The following GREB1L variants were observed in gnomAD, a reference collection of about 807,000 sequenced individuals.
The protein encoded by GREB1L is GREB1 like retinoic acid receptor coactivator.
A neutral mutation model predicts 200.8 loss-of-function variants in GREB1L; 17 were observed. The observed-to-expected ratio is 0.08, with a 90% CI of 0.06 to 0.13. GREB1L has a LOEUF of 0.13. Ranked by LOEUF, GREB1L falls within the 10% of genes least tolerant of loss-of-function variation. The probability of loss-of-function intolerance (pLI) is 1.00; values close to 1 mark genes in which losing one functional copy is unlikely to be tolerated. For synonymous variants in GREB1L, 789 were observed against 893.0 expected, an observed-to-expected ratio of 0.88 and a Z score of 2.08; for missense variants, 1,657 against 2,367.7, an observed-to-expected ratio of 0.70 and a Z score of 6.23.
intron 17 of GREB1L, among the ~76,000 whole-genome samples, chr18:21,481,475 GTGTATATA>G (rs1212629961): frequency 1.4e-5 from 2 of 141,228 alleles, no homozygotes; most frequent in South Asian, 4.5e-4. Flanking sequence ...GTGTGTGTGT[GTGTATATA>G]TATATATATA....
intron 1 of GREB1L, among the ~76,000 whole-genome samples, chr18:21,328,068 A>ACC (rs1304120070): frequency 1.3e-5 from 2 of 152,250 alleles, no homozygotes; most frequent in East Asian, 3.9e-4. Flanking sequence ...CAGGACCCAC[A>ACC]TAAAGCTACA....
chr18:21,413,986 C>T (rs2031360258), intron 7 of GREB1L, among the ~76,000 whole-genome samples: 1 of 152,118 alleles, frequency 6.6e-6, no homozygotes. Flanking sequence ...AGTGGTGTGA[C>T]CTTTTAAGAA....
intron 1 of GREB1L, among the ~76,000 whole-genome samples, chr18:21,283,201 C>G (rs1309579974): frequency 6.6e-6 from 1 of 152,102 alleles, no homozygotes; most frequent in Non-Finnish European, 1.5e-5. Flanking sequence ...CATAGGGAAC[C>G]TATCAGTTAT....
intron 31 of GREB1L, among the ~76,000 whole-genome samples, chr18:21,518,570 C>A (rs1333737055): frequency 6.6e-6 from 1 of 152,164 alleles, no homozygotes; most frequent in Admixed American, 6.5e-5. Flanking sequence ...GTTGCTTGTT[C>A]CCACTTCTCT....
At chr18:21,498,977 G>T (rs2036664785) in intron 21 of GREB1L, among the ~76,000 whole-genome samples, 1 of 152,172 alleles carries the variant, frequency 6.6e-6, no homozygotes, top group African/African-American at 2.4e-5. Flanking sequence ...AAGAGTGGCT[G>T]GTCTGTTAGG....
chr18:21,438,971 A>AT (rs1213028986), intron 7 of GREB1L, among the ~76,000 whole-genome samples: 3 of 150,804 alleles, frequency 2.0e-5, no homozygotes, highest in African/African-American at 7.3e-5. Flanking sequence ...AAAAAAAAAA[A>AT]AAAAAAAAGA....
chr18:21,369,004 A>G (rs1286361997), intron 2 of GREB1L, among the ~76,000 whole-genome samples: 1 of 152,236 alleles, frequency 6.6e-6, no homozygotes, highest in African/African-American at 2.4e-5. Context: ...AAGAGAAATC[A>G]GTTGAGTGTT....
chr18:21,305,164 C>G (rs752633899), intron 1 of GREB1L, among the ~76,000 whole-genome samples: 1 of 151,898 alleles, frequency 6.6e-6, no homozygotes, highest in Non-Finnish European at 1.5e-5. Flanking sequence ...TTAGTAGAGA[C>G]GGGGTTTCAC....
intron 7 of GREB1L, among the ~76,000 whole-genome samples, chr18:21,423,874 G>A (rs1280073000): frequency 6.6e-6 from 1 of 152,082 alleles, no homozygotes. Flanking sequence ...AAAAGAATGC[G>A]AGGCTCGGGA....
intron 2 of GREB1L, among the ~76,000 whole-genome samples, chr18:21,382,433 G>A (rs559773110): frequency 5.2e-4 from 79 of 151,848 alleles, no homozygotes; most frequent in Middle Eastern, 6.8e-3. Flanking sequence ...GACCCTTTGA[G>A]TATCATTAGC....
chr18:21,376,853 C>G (rs1217317425), intron 2 of GREB1L, among the ~76,000 whole-genome samples: 1 of 150,056 alleles, frequency 6.7e-6, no homozygotes, highest in Non-Finnish European at 1.5e-5. Context: ...CTTGTAATTT[C>G]CAGTATATAC....
Position 21,495,653 on chromosome 18 carries a change from C to T in GREB1L, c.3031-17C>T, listed in dbSNP as rs774852032. The T allele has an allele frequency of 3.1e-5, 40 of 1,279,700 alleles. No individual in the cohort carries two copies. Among genetic ancestry groups the T allele is most frequent in the South Asian group, 1.9e-4 (14 of 75,124 alleles). The allele number at this position is 1,279,700 out of a possible 1,614,324, so 79.3% of individuals were successfully genotyped here. On this transcript the variant is annotated splice_polypyrimidine_tract_variant and intron_variant, in intron 19 of 32. Coordinates refer to ENST00000424526, the MANE Select transcript of GREB1L (RefSeq NM_001142966.3). The stretch of plus-strand genomic sequence containing the variant: ...AAATGAGAGTTTTAATTTTAACATA[C>T]GGGTCTCTTTCTGTAGAGTTGGAGA...
chr18:21,424,908 C>A (rs764858141), intron 7 of GREB1L, among the ~76,000 whole-genome samples: 1 of 152,136 alleles, frequency 6.6e-6, no homozygotes. Flanking sequence ...AATTGTTACA[C>A]ATGGTCTTTT....
intron 4 of GREB1L, among the ~76,000 whole-genome samples, chr18:21,394,675 CTG>C (rs1279266373): frequency 6.6e-6 from 1 of 152,052 alleles, no homozygotes; most frequent in Non-Finnish European, 1.5e-5. Context: ...GTCTTTTCCT[CTG>C]TGAAAATAAA....
intron 1 of GREB1L, among the ~76,000 whole-genome samples, chr18:21,274,741 G>C (rs2038134409): frequency 1.3e-5 from 2 of 151,584 alleles, no homozygotes; most frequent in Admixed American, 1.3e-4. Context: ...AAGAAAACTA[G>C]GCAGGCCTGG....
chr18:21,521,113 C>T (rs1049290148), intron 32 of GREB1L, among the ~76,000 whole-genome samples: 3 of 152,066 alleles, frequency 2.0e-5, no homozygotes, highest in Non-Finnish European at 1.5e-5. Context: ...AGGAGAATGG[C>T]GTGAACCTGG....
At chr18:21,333,546 G>C (rs2039138877) in intron 1 of GREB1L, among the ~76,000 whole-genome samples, 1 of 151,826 alleles carries the variant, frequency 6.6e-6, no homozygotes, top group Non-Finnish European at 1.5e-5. Context: ...GTGGTGGCAG[G>C]TGCCTGTAAT....
At position 21,520,576 on chromosome 18, in the gene GREB1L, C is replaced by T. The variant is rs1034916071; in HGVS notation, c.5473-112C>T. On this transcript the variant is annotated intron_variant, in intron 31 of 32. Coordinates refer to ENST00000424526, the MANE Select transcript of GREB1L (RefSeq NM_001142966.3). Reference sequence around the variant, plus strand: ...GTTAATATTGGAAAAAACTCATCTCCTTTACCTTATCCTGAAATAGAGAAA... The same window carrying T: ...GTTAATATTGGAAAAAACTCATCTCTTTTACCTTATCCTGAAATAGAGAAA... 6.4e-6 allele frequency: 8 copies of T among 1,249,044 alleles called. No individual in the cohort carries two copies. In the South Asian group the frequency reaches 6.9e-5, roughly 11 times the overall value. 77.4% of individuals were successfully genotyped at this position (1,249,044 alleles called of 1,614,324 possible).
At chr18:21,515,675 CT>C in intron 29 of GREB1L, 31 bp downstream of exon 29, 1 of 1,435,090 alleles carries the variant, frequency 7.0e-7, no homozygotes, top group Non-Finnish European at 9.6e-7. Flanking sequence ...GCAGGTAATC[CT>C]GGCATCTACT....
Sources: allele counts gnomAD v4.1 joint callset (sites outside exome capture counted in the v4.1 genomes callset), GRCh38; gene constraint gnomAD v4.1.1; transcripts MANE v1.5; gene names NCBI Gene and HGNC (gene_info 2026-07-23, HGNC 2026-07-21).